The following PIEZO2 variants were observed in gnomAD, a reference collection of about 807,000 sequenced individuals.
PIEZO2 encodes piezo-type mechanosensitive ion channel component 2.
A neutral mutation model predicts 337.3 loss-of-function variants in PIEZO2; 172 were observed. The observed-to-expected ratio is 0.51, with a 90% CI of 0.45 to 0.58. PIEZO2 has a LOEUF of 0.58. Ranked by LOEUF, PIEZO2 falls within the 20% of genes least tolerant of loss-of-function variation. The probability of loss-of-function intolerance (pLI) is 0.00; values close to 1 mark genes in which losing one functional copy is unlikely to be tolerated. For synonymous variants in PIEZO2, 1,251 were observed against 1,228.5 expected (o/e 1.02, Z -0.38); for missense variants, 3,028 against 3,391.3 (o/e 0.89, Z 2.66).
At chr18:11,000,785 G>A (rs964929399) in intron 2 of PIEZO2, among the ~76,000 whole-genome samples, 1 of 152,204 alleles carries the variant, frequency 6.6e-6, no homozygotes, top group Admixed American at 6.5e-5. Flanking sequence ...GTGGCTCCCG[G>A]CAGGGACACC....
intron 3 of PIEZO2, among the ~76,000 whole-genome samples, chr18:10,911,970 A>G (rs1284177643): frequency 1.3e-5 from 2 of 152,166 alleles, no homozygotes; most frequent in African/African-American, 4.8e-5. Context: ...TTGTGGAGCA[A>G]TCTGGAAAGC....
At chr18:10,782,053 A>T (rs1256498271) in intron 17 of PIEZO2, among the ~76,000 whole-genome samples, 1 of 150,100 alleles carries the variant, frequency 6.7e-6, no homozygotes, top group Non-Finnish European at 1.5e-5. Flanking sequence ...TACTCCCATG[A>T]GGAAGAGTTG....
intron 1 of PIEZO2, among the ~76,000 whole-genome samples, chr18:11,134,292 C>T (rs767822580): frequency 7.0e-4 from 106 of 152,300 alleles, no homozygotes; most frequent in Non-Finnish European, 9.0e-4. Context: ...TGGTTATTTT[C>T]TGGCATTCTA....
rs902942224 is a variant in PIEZO2 at position 10,952,303 on chromosome 18, A to T, written c.286+27232T>A. On this transcript the variant is annotated intron_variant, in intron 3 of 55. Transcript: ENST00000674853. The surrounding 1 kb of genome is among the most constrained non-coding windows in gnomAD (Gnocchi z 4.1). ...TTCTCAATTTCTTACAAATCCATAC[A>T]GTCATTTAACTACCACTACTGTCAA... 6.6e-6 allele frequency among the ~76,000 whole-genome samples: 1 copy of T among 152,208 alleles called. No individual in the cohort carries two copies. The highest frequency in any genetic ancestry group is 2.4e-5 in the African/African-American group (1 of 41,452).
Position 11,035,790 on chromosome 18 carries a change from T to G in PIEZO2, c.160+30337A>C, listed in dbSNP as rs558469941. 6.6e-6 allele frequency among the ~76,000 whole-genome samples: 1 copy of G among 152,310 alleles called. No homozygotes were observed. Among genetic ancestry groups the G allele is most frequent in the Non-Finnish European group, 1.5e-5 (1 of 68,008 alleles). Reference sequence around the variant, plus strand: ...AACAGGTGCAGCACATATTTGTAAATAAGCCAACTCCTAAAATAATATGAA... The same window carrying G: ...AACAGGTGCAGCACATATTTGTAAAGAAGCCAACTCCTAAAATAATATGAA... On this transcript the variant is annotated intron_variant, in intron 2 of 55. Coordinates refer to ENST00000674853, the MANE Select transcript of PIEZO2 (RefSeq NM_001378183.1). This position sits in a 1 kb window ranked among gnomAD's most constrained non-coding sequence, Gnocchi z 4.3.
intron 3 of PIEZO2, among the ~76,000 whole-genome samples, chr18:10,931,292 T>C (rs264258): frequency 0.62 from 94,739 of 152,044 alleles, 29,931 homozygotes; most frequent in East Asian, 0.74. Flanking sequence ...CTCCGCCTCC[T>C]GGGTTCACAC....
intron 15 of PIEZO2, among the ~76,000 whole-genome samples, chr18:10,788,435 G>A (rs200271410): frequency 9.7e-6 from 1 of 102,568 alleles, no homozygotes; most frequent in Non-Finnish European, 1.9e-5. Flanking sequence ...AGAAAGGAAG[G>A]AAGGAAGGAA....
chr18:10,743,143 C>T (rs1418748755), intron 31 of PIEZO2, among the ~76,000 whole-genome samples: 1 of 152,124 alleles, frequency 6.6e-6, no homozygotes, highest in African/African-American at 2.4e-5. Context: ...CCAATAAAAA[C>T]AGTTGTACCA....
rs185112753 is a variant in PIEZO2 at position 10,883,550 on chromosome 18, A to T, written c.330-12135T>A. Among the ~76,000 whole-genome samples the T allele has an allele frequency of 6.6e-5, 10 of 152,332 alleles. No homozygotes were observed. The East Asian group carries it at 1.9e-3, about 29-fold the overall frequency. On this transcript the variant is annotated intron_variant, in intron 4 of 55. Transcript: ENST00000674853. ...ATACATTAGAGAAATACATTATGGA[A>T]TTATGAAATCAAGTGAGTCAACACA... is the stretch of plus-strand genomic sequence containing the variant.
Position 11,131,711 on chromosome 18 carries a change from T to C in PIEZO2, c.64+16814A>G, listed in dbSNP as rs1274186793. Among the ~76,000 whole-genome samples, 4 of 152,240 alleles carry C rather than the reference T, an allele frequency of 2.6e-5. No homozygotes were observed. In the East Asian group the frequency reaches 5.8e-4, roughly 22 times the overall value. On this transcript the variant is annotated intron_variant, in intron 1 of 55. Coordinates refer to ENST00000674853, the MANE Select transcript of PIEZO2 (RefSeq NM_001378183.1). This position sits in a 1 kb window ranked among gnomAD's most constrained non-coding sequence, Gnocchi z 5.3. ...ACTTGGAAAAAGCACGATGGGAAAA[T>C]TGGTGACAAAGAAACTTGGGGAAGA...
At chr18:10,956,625 T>A (rs2033535016) in intron 3 of PIEZO2, among the ~76,000 whole-genome samples, 1 of 152,210 alleles carries the variant, frequency 6.6e-6, no homozygotes, top group African/African-American at 2.4e-5. Context: ...TTCCTTGATT[T>A]CAAAATATAT....
At chr18:10,702,460 G>A (rs1219805076) in intron 42 of PIEZO2, among the ~76,000 whole-genome samples, 2 of 152,192 alleles carry the variant, frequency 1.3e-5, no homozygotes, top group Non-Finnish European at 2.9e-5. Flanking sequence ...TTTTTGAGGT[G>A]TTGGCATTAT....
chr18:10,873,183 T>C (rs2042179930), intron 4 of PIEZO2, among the ~76,000 whole-genome samples: 1 of 152,196 alleles, frequency 6.6e-6, no homozygotes, highest in African/African-American at 2.4e-5. Context: ...ATAGCTACTG[T>C]TAATATTTTG....
rs145406707 is a variant in PIEZO2, at chr18:10,986,380, A to T, written c.161-6720T>A. On this transcript the variant is annotated intron_variant, in intron 2 of 55. Coordinates refer to ENST00000674853, the MANE Select transcript of PIEZO2 (RefSeq NM_001378183.1). ...AATTCAATGACACATTAAAAGGATT[A>T]TATACCATAATCAAGTGGAATTTAT... Among the ~76,000 whole-genome samples, 871 of 152,192 alleles carry T rather than the reference A, an allele frequency of 5.7e-3. 10 individuals are homozygous for T. Among genetic ancestry groups the T allele is most frequent in the Middle Eastern group, 0.024 (7 of 294 alleles).
chr18:11,060,197 C>T (rs543186773), intron 2 of PIEZO2, among the ~76,000 whole-genome samples: 250 of 152,228 alleles, frequency 1.6e-3, no homozygotes, highest in Non-Finnish European at 1.3e-3. Flanking sequence ...TAAAGATGTT[C>T]TTTGAAACCA....
intron 4 of PIEZO2, among the ~76,000 whole-genome samples, chr18:10,901,489 A>G (rs1484451122): frequency 6.6e-6 from 1 of 152,086 alleles, no homozygotes; most frequent in Non-Finnish European, 1.5e-5. Flanking sequence ...AAGGGACAGT[A>G]GAGTTACTTC....
At position 11,009,768 on chromosome 18, in the gene PIEZO2, G is replaced by C. The variant is rs1487905598; in HGVS notation, c.161-30108C>G. Among the ~76,000 whole-genome samples the C allele has an allele frequency of 6.6e-6, 1 of 152,052 alleles. No homozygotes were observed. The highest frequency in any genetic ancestry group is 1.5e-5 in the Non-Finnish European group (1 of 68,012). On this transcript the variant is annotated intron_variant, in intron 2 of 55. Transcript: ENST00000674853. This position sits in a 1 kb window ranked among gnomAD's most constrained non-coding sequence, Gnocchi z 4.6. ...TAAAGAGGTAATTCAGGTAGCACGAGGTCATAGAGGTGGGCCTAATCCAGT... is the reference window on the plus strand; with the variant it reads ...TAAAGAGGTAATTCAGGTAGCACGACGTCATAGAGGTGGGCCTAATCCAGT...
At chr18:11,059,859 G>A (rs1484154662) in intron 2 of PIEZO2, among the ~76,000 whole-genome samples, 1 of 152,136 alleles carries the variant, frequency 6.6e-6, no homozygotes, top group African/African-American at 2.4e-5. Context: ...GAGACAGAAA[G>A]TTAACAAGGA....
chr18:10,931,089 G>T (rs564254973), intron 3 of PIEZO2, among the ~76,000 whole-genome samples: 5 of 152,216 alleles, frequency 3.3e-5, no homozygotes, highest in Admixed American at 2.0e-4. Context: ...ATTTGGTAGG[G>T]TCTGAGGTGT....
Sources: allele counts gnomAD v4.1 joint callset (sites outside exome capture counted in the v4.1 genomes callset), GRCh38; gene constraint gnomAD v4.1.1; non-coding constraint Gnocchi (gnomAD v3.1); transcripts MANE v1.5; gene names NCBI Gene and HGNC (gene_info 2026-07-23, HGNC 2026-07-21).